The following CNTNAP5 variants were observed in gnomAD, a reference collection of about 807,000 sequenced individuals.
CNTNAP5 encodes contactin associated protein family member 5.
Under a neutral mutation model 150.2 loss-of-function variants are expected in CNTNAP5, and 72 were observed. The observed-to-expected ratio is 0.48, with a 90% confidence interval of 0.40 to 0.58. The LOEUF is 0.58. CNTNAP5 is among the 20% of genes least tolerant of loss of function. CNTNAP5 has a pLI of 0.00. For synonymous variants in CNTNAP5, 672 were observed against 619.8 expected (o/e 1.08, Z -1.25); for missense variants, 1,636 against 1,626.2 (o/e 1.01, Z -0.10).
intron 3 of CNTNAP5, among the ~76,000 whole-genome samples, chr2:124,376,848 TC>T (rs1261893275): frequency 2.0e-5 from 3 of 152,088 alleles, no homozygotes; most frequent in African/African-American, 7.2e-5. Flanking sequence ...TTAGAGTTCT[TC>T]CATGAGTCAG....
intron 2 of CNTNAP5, among the ~76,000 whole-genome samples, chr2:124,228,445 T>G (rs1232182495): frequency 6.6e-6 from 1 of 152,160 alleles, no homozygotes; most frequent in Non-Finnish European, 1.5e-5. Context: ...ACTTGACACC[T>G]AATAGAAACC....
chr2:124,301,723 C>T (rs1027284607), intron 3 of CNTNAP5, among the ~76,000 whole-genome samples: 1 of 152,168 alleles, frequency 6.6e-6, no homozygotes, highest in African/African-American at 2.4e-5. Flanking sequence ...CCTGATGCAA[C>T]AGCAACTGTT....
intron 3 of CNTNAP5, among the ~76,000 whole-genome samples, chr2:124,255,287 G>A (rs1687279387): frequency 6.6e-6 from 1 of 152,010 alleles, no homozygotes; most frequent in African/African-American, 2.4e-5. Context: ...CACTTTGGGA[G>A]GCCAAGGCAG....
intron 23 of CNTNAP5, 139 bp downstream of exon 23, chr2:124,911,677 A>G (rs1678658312): frequency 4.4e-6 from 3 of 684,668 alleles, no homozygotes; most frequent in African/African-American, 3.6e-5. Flanking sequence ...TGGGCTTTTC[A>G]TGAGTAGTCC....
intron 1 of CNTNAP5, among the ~76,000 whole-genome samples, chr2:124,129,962 T>C (rs1382865100): frequency 6.6e-6 from 1 of 152,138 alleles, no homozygotes; most frequent in Non-Finnish European, 1.5e-5. Context: ...GTAAATTACA[T>C]GCACAGAAGG....
chr2:124,592,715 G>C (rs974872994), intron 11 of CNTNAP5, among the ~76,000 whole-genome samples: 1 of 151,154 alleles, frequency 6.6e-6, no homozygotes, highest in Non-Finnish European at 1.5e-5. Flanking sequence ...TATAAGTAAC[G>C]TCAGACATCT....
At chr2:124,569,391 G>A (rs1470557088) in intron 11 of CNTNAP5, among the ~76,000 whole-genome samples, 2 of 149,794 alleles carry the variant, frequency 1.3e-5, no homozygotes, top group African/African-American at 2.4e-5. Context: ...CAGATGACTT[G>A]TATTATAGGA....
At chr2:124,908,857 C>G (rs548774224) in intron 22 of CNTNAP5, among the ~76,000 whole-genome samples, 4 of 151,634 alleles carry the variant, frequency 2.6e-5, no homozygotes, top group Non-Finnish European at 4.4e-5. Flanking sequence ...TAAAAAATAA[C>G]AGTAAATAAA....
At chr2:124,628,232 T>G (rs1190736843) in intron 12 of CNTNAP5, among the ~76,000 whole-genome samples, 1 of 151,360 alleles carries the variant, frequency 6.6e-6, no homozygotes, top group Admixed American at 6.6e-5. Context: ...TAAGATAATC[T>G]ATGAAAAGAT....
intron 12 of CNTNAP5, among the ~76,000 whole-genome samples, chr2:124,622,885 A>G (rs1303118588): frequency 6.6e-6 from 1 of 152,206 alleles, no homozygotes; most frequent in African/African-American, 2.4e-5. Flanking sequence ...TTGATTACAG[A>G]CTGTAAAATA....
chr2:124,226,975 T>G (rs1221641592), intron 2 of CNTNAP5, among the ~76,000 whole-genome samples: 2 of 152,082 alleles, frequency 1.3e-5, no homozygotes, highest in East Asian at 3.9e-4. Context: ...ATTAATCTAT[T>G]CATGAGGTCA....
chr2:124,206,904 G>A lies in CNTNAP5; in HGVS notation c.83-14801G>A, dbSNP rs1322881927. On this transcript the variant is annotated intron_variant, in intron 1 of 23. Transcript: ENST00000682447. ...GTTGTTTTGAAGGCACAGGTTGCAG[G>A]CAGAAAAAAAGCACTATACAGCCCA... Among the ~76,000 whole-genome samples the A allele has an allele frequency of 2.0e-5, 3 of 152,060 alleles. No individual in the cohort carries two copies. In the East Asian group the frequency reaches 5.8e-4, roughly 29 times the overall value.
At chr2:124,562,974 A>G (rs1480378739) in intron 10 of CNTNAP5, among the ~76,000 whole-genome samples, 1 of 152,164 alleles carries the variant, frequency 6.6e-6, no homozygotes, top group Non-Finnish European at 1.5e-5. Flanking sequence ...AACATCCTTA[A>G]CTTAAGTACT....
chr2:124,866,228 C>T (rs1017358376), intron 20 of CNTNAP5, among the ~76,000 whole-genome samples: 1 of 152,140 alleles, frequency 6.6e-6, no homozygotes, highest in Non-Finnish European at 1.5e-5. Flanking sequence ...CCACTGCACT[C>T]CAGCCTGGGA....
intron 10 of CNTNAP5, among the ~76,000 whole-genome samples, chr2:124,528,949 G>A (rs976302601): frequency 6.6e-6 from 1 of 152,076 alleles, no homozygotes; most frequent in Non-Finnish European, 1.5e-5. Context: ...CTCTGCTAAC[G>A]CTAGAATGAG....
intron 1 of CNTNAP5, among the ~76,000 whole-genome samples, chr2:124,075,880 C>T (rs984350082): frequency 6.6e-6 from 1 of 152,102 alleles, no homozygotes; most frequent in Non-Finnish European, 1.5e-5. Flanking sequence ...ACTCAAAATT[C>T]ATATACCATA....
At chr2:124,429,844 A>G (rs758545731) in intron 4 of CNTNAP5, among the ~76,000 whole-genome samples, 1 of 152,304 alleles carries the variant, frequency 6.6e-6, no homozygotes, top group East Asian at 1.9e-4. Flanking sequence ...GATGATGCGC[A>G]GGAACTCAGG....
chr2:124,219,590 A>T (rs1342004287), intron 1 of CNTNAP5, among the ~76,000 whole-genome samples: 3 of 151,802 alleles, frequency 2.0e-5, no homozygotes, highest in African/African-American at 7.3e-5. Context: ...TAAGACCTAT[A>T]TATGTGTTTG....
chr2:124,872,854 C>T (rs1677781466), intron 21 of CNTNAP5, among the ~76,000 whole-genome samples: 1 of 151,744 alleles, frequency 6.6e-6, no homozygotes, highest in Non-Finnish European at 1.5e-5. Flanking sequence ...ATTCATATGA[C>T]CCTTCACACT....
Sources: allele counts gnomAD v4.1 joint callset (sites outside exome capture counted in the v4.1 genomes callset), GRCh38; gene constraint gnomAD v4.1.1; transcripts MANE v1.5; gene names NCBI Gene and HGNC (gene_info 2026-07-23, HGNC 2026-07-21).